Variants in VWCE observed in about 807,000 individuals in gnomAD.
The protein encoded by VWCE is von Willebrand factor C and EGF domain-containing protein.
A neutral mutation model predicts 102.9 loss-of-function variants in VWCE; 68 were observed. The observed-to-expected ratio is 0.66, with a 90% confidence interval of 0.54 to 0.81. The LOEUF is 0.81. VWCE is among the 30% of genes least tolerant of loss of function. The probability of loss-of-function intolerance (pLI) is 0.00; values close to 1 mark genes in which losing one functional copy is unlikely to be tolerated. For synonymous variants in VWCE, 497 were observed against 515.4 expected (o/e 0.96, Z 0.48); for missense variants, 1,137 against 1,263.6 (o/e 0.90, Z 1.52).
At chr11:61,265,429 T>A (rs1271421448) in intron 16 of VWCE, among the ~76,000 whole-genome samples, 1 of 152,124 alleles carries the variant, frequency 6.6e-6, no homozygotes. Flanking sequence ...CATGGACTTG[T>A]CCACGGAGGG....
chr11:61,294,865 C>A lies in VWCE; in HGVS notation c.110+63G>T. On this transcript the variant is annotated intron_variant, in intron 1 of 19. Transcript: ENST00000335613. This position sits in a 1 kb window ranked among gnomAD's most constrained non-coding sequence, Gnocchi z 6.3. ...GGCTCCTGAGCGCCCCTCCGCGCCT[C>A]TCGACTGCACGCCGGTAGCGCTCTC... is the stretch of plus-strand genomic sequence containing the variant. The A allele has an allele frequency of 8.3e-7, 1 of 1,206,474 alleles. No homozygotes were observed. The highest frequency in any genetic ancestry group is 2.3e-5 in the South Asian group (1 of 43,244). The allele number at this position is 1,206,474 out of a possible 1,614,324, so 74.7% of individuals were successfully genotyped here.
chr11:61,282,848 C>G lies in VWCE; in HGVS notation c.599G>C (p.Ser200Thr), dbSNP rs111598155. The change falls in exon 6 of 20, where the codon AGC becomes ACC. Residue 200 changes from serine (S) to threonine (T), a missense_variant. Physicochemically the swap from Ser to Thr is moderately conservative, Grantham distance 58 (BLOSUM62 1). Coordinates refer to ENST00000335613, the MANE Select transcript of VWCE (RefSeq NM_152718.2). Reference sequence around the variant, plus strand: ...GCCAGTTCGACAGGAACACTTGTAGCTGCCAATGCTGTTTTTACATCTCTG... The same window carrying G: ...GCCAGTTCGACAGGAACACTTGTAGGTGCCAATGCTGTTTTTACATCTCTG... ...CQQRCKNSIG[S>T]YKCSCRTGFH... The G allele has an allele frequency of 3.9e-5, 63 of 1,614,238 alleles. 2 individuals carry two copies. The highest frequency in any genetic ancestry group is 3.7e-4 in the African/African-American group (28 of 75,064).
Position 61,265,021 on chromosome 11 carries a change from T to G in VWCE, c.2074A>C (p.Arg692=). The change falls in exon 18 of 20, where the codon AGG becomes CGG. Residue 692 remains arginine (R), a synonymous_variant. Transcript: ENST00000335613. ...PVCRDCNYEG[R]KVANGQVFTL... ...AACACCTGGCCATTCGCCACCTTCC[T>G]TCCCTCGTAGTTGCAGTCTGTGGAG... The G allele has an allele frequency of 6.2e-7, 1 of 1,614,156 alleles. No individual in the cohort carries two copies. Among genetic ancestry groups the G allele is most frequent in the Non-Finnish European group, 8.5e-7 (1 of 1,180,026 alleles).
chr11:61,294,957 C>G lies in VWCE; in HGVS notation c.81G>C (p.Arg27Ser), dbSNP rs925533713. 1.8e-5 allele frequency: 26 copies of G among 1,458,402 alleles called. No individual in the cohort carries two copies. Among genetic ancestry groups the G allele is most frequent in the Middle Eastern group, 2.4e-4 (1 of 4,140 alleles). The allele number at this position is 1,458,402 out of a possible 1,614,324, so 90.3% of individuals were successfully genotyped here. A position where few individuals can be genotyped will look rare whatever the true frequency, so the allele number is the denominator to read the frequency against. ...PGAPARGYTG[R>S]KPPGHFAAER... ...CGGCCGCGAAGTGCCCGGGCGGCTT[C>G]CTCCCGGTGTAGCCTCGGGCTGGTG... Residue 27 changes from arginine (R) to serine (S), a missense_variant, in exon 1 of 20, where the codon AGG becomes AGC. Transcript: ENST00000335613. The surrounding 1 kb of genome is among the most constrained non-coding windows in gnomAD (Gnocchi z 6.3).
intron 11 of VWCE, among the ~76,000 whole-genome samples, chr11:61,275,713 C>A (rs1854882648): frequency 6.6e-6 from 1 of 152,166 alleles, no homozygotes; most frequent in Non-Finnish European, 1.5e-5. Context: ...AGATGGAGTT[C>A]TGGTAAGCGC....
intron 16 of VWCE, 131 bp from the exon 17 acceptor site, chr11:61,265,343 G>T: frequency 1.3e-6 from 1 of 782,432 alleles, no homozygotes; most frequent in Non-Finnish European, 1.9e-6. Context: ...CCATGGTGGG[G>T]CAGTGGGGCA....
chr11:61,277,776 G>A (rs1246917540), intron 10 of VWCE, among the ~76,000 whole-genome samples: 8 of 151,996 alleles, frequency 5.3e-5, no homozygotes, highest in South Asian at 2.1e-4. Flanking sequence ...TGGGAGCCTC[G>A]GTGAAGAAAG....
chr11:61,281,203 T>C lies in VWCE; in HGVS notation c.820A>G (p.Ile274Val), dbSNP rs1267670069. ...GACGGGTGTTGCCGGGGTTGCAGGA[T>C]GGCAGATGGGGCCAGCACGGCTTTC... ...FPKAVLAPSAILQPRQHPSKM... is the reference protein window; with the variant it reads ...FPKAVLAPSAVLQPRQHPSKM... The change falls in exon 8 of 20, where the codon ATC becomes GTC. Residue 274 changes from isoleucine to valine, a missense_variant. By Grantham distance (29) the Ile-to-Val change is conservative. Transcript: ENST00000335613. 5 of 1,612,916 alleles carry C rather than the reference T, an allele frequency of 3.1e-6. No homozygotes were observed. The Admixed American group carries it at 8.3e-5, about 27-fold the overall frequency.
intron 13 of VWCE, 27 bp downstream of exon 13, chr11:61,273,172 T>A: frequency 6.2e-7 from 1 of 1,607,346 alleles, no homozygotes; most frequent in East Asian, 2.2e-5. Flanking sequence ...CCATGCCCTG[T>A]GTCGGGGCAG....
rs570966591 is a variant in VWCE at position 61,294,584 on chromosome 11, G to A, written c.110+344C>T. On this transcript the variant is annotated intron_variant, in intron 1 of 19. Coordinates refer to ENST00000335613, the MANE Select transcript of VWCE (RefSeq NM_152718.2). The surrounding 1 kb of genome is among the most constrained non-coding windows in gnomAD (Gnocchi z 6.3). Reference sequence around the variant, plus strand: ...CCCGGGCAGAGCCACGGGCACGCTGGGGGGTGAGCCAGCCAGTCCGGAGAC... The same window carrying A: ...CCCGGGCAGAGCCACGGGCACGCTGAGGGGTGAGCCAGCCAGTCCGGAGAC... 6.6e-6 allele frequency among the ~76,000 whole-genome samples: 1 copy of A among 152,142 alleles called. No individual in the cohort carries two copies. Among genetic ancestry groups the A allele is most frequent in the Non-Finnish European group, 1.5e-5 (1 of 68,014 alleles).
In VWCE at chr11:61,264,427, G is replaced by A. The variant is rs908377812; in HGVS notation, c.2230+60C>T. The A allele has an allele frequency of 6.0e-5, 91 of 1,520,788 alleles. 1 individual carries two copies. Among genetic ancestry groups the A allele is most frequent in the Non-Finnish European group, 7.6e-5 (84 of 1,110,774 alleles). The allele number at this position is 1,520,788 out of a possible 1,614,324, so 94.2% of individuals were successfully genotyped here. A position where few individuals can be genotyped will look rare whatever the true frequency, so the allele number is the denominator to read the frequency against. On this transcript the variant is annotated intron_variant, in intron 19 of 19. Transcript: ENST00000335613. ...CCCTTTACAAGTTCTATGTACCGGGGAAGAAAAGTAAAATGGAAGAAGATG... is the reference window on the plus strand; with the variant it reads ...CCCTTTACAAGTTCTATGTACCGGGAAAGAAAAGTAAAATGGAAGAAGATG...
At chr11:61,265,907 G>T (rs559295686) in intron 16 of VWCE, among the ~76,000 whole-genome samples, 1 of 152,066 alleles carries the variant, frequency 6.6e-6, no homozygotes, top group Non-Finnish European at 1.5e-5. Context: ...TTAGCTGGGC[G>T]TGGTGGTGCG....
At chr11:61,277,870 G>T (rs1030752743) in intron 10 of VWCE, among the ~76,000 whole-genome samples, 1 of 151,840 alleles carries the variant, frequency 6.6e-6, no homozygotes, top group Non-Finnish European at 1.5e-5. Flanking sequence ...ACAGAGGCTC[G>T]CTCTGTCGCC....
Position 61,259,193 on chromosome 11 carries a change from G to A in VWCE, c.2350C>T (p.Pro784Ser). 6.2e-7 allele frequency: 1 copy of A among 1,614,194 alleles called. No individual in the cohort carries two copies. The highest frequency in any genetic ancestry group is 8.5e-7 in the Non-Finnish European group (1 of 1,180,034). Residue 784 changes from proline (P) to serine (S), a missense_variant, in exon 20 of 20, where the codon CCT becomes TCT. Pro to Ser is a moderately conservative substitution (Grantham distance 74). This residue lies in a region of VWCE where 316 missense variants were observed against 319.3 expected (regional missense o/e 0.99). Coordinates refer to ENST00000335613, the MANE Select transcript of VWCE (RefSeq NM_152718.2). ...TEAPVNCSSC[P>S]GPPTASPSRP... ...GAGGGTGATGCTGTCGGGGGCCCAG[G>A]ACAGGAGCTACAGTTGACAGGGGCC... is the stretch of plus-strand genomic sequence containing the variant.
At position 61,264,850 on chromosome 11, in the gene VWCE, G is replaced by T. The variant is rs535026346; in HGVS notation, c.2139+106C>A. ...GTTAATTAAAGGCGGAGGATGGCAG[G>T]AGGATGGATTTATGCTGGCTAAAGG... On this transcript the variant is annotated intron_variant, in intron 18 of 19. Coordinates refer to ENST00000335613, the MANE Select transcript of VWCE (RefSeq NM_152718.2). The T allele has an allele frequency of 9.8e-5, 122 of 1,241,534 alleles. 2 individuals are homozygous for T. The South Asian group carries it at 1.5e-3, about 15-fold the overall frequency. 76.9% of individuals were successfully genotyped at this position (1,241,534 alleles called of 1,614,324 possible). A position where few individuals can be genotyped will look rare whatever the true frequency, so the allele number is the denominator to read the frequency against.
At chr11:61,270,001 T>G (rs1590623462) in intron 14 of VWCE, among the ~76,000 whole-genome samples, 1 of 149,834 alleles carries the variant, frequency 6.7e-6, no homozygotes, top group South Asian at 2.1e-4. Flanking sequence ...CACTGCAAGC[T>G]CCGCCTCCCG....
chr11:61,288,798 G>A (rs1311821441), intron 4 of VWCE, among the ~76,000 whole-genome samples: 1 of 150,942 alleles, frequency 6.6e-6, no homozygotes, highest in African/African-American at 2.4e-5. Context: ...GTCCTTCTGG[G>A]AAATAATCAG....
chr11:61,278,566 C>A, intron 9 of VWCE, 90 bp from the exon 10 acceptor site: 1 of 1,209,658 alleles, frequency 8.3e-7, no homozygotes, highest in Non-Finnish European at 1.2e-6. Context: ...CTTAATGTAC[C>A]TGGAACATTC....
intron 7 of VWCE, 102 bp downstream of exon 7, chr11:61,281,683 CG>C: frequency 1.6e-6 from 2 of 1,268,984 alleles, no homozygotes; most frequent in Non-Finnish European, 2.0e-6. Context: ...GGCTGGGCGC[CG>C]GGAGGGCGTG....
Sources: gnomAD v4.1 joint callset for allele counts (sites outside exome capture counted in the v4.1 genomes callset) on GRCh38, gnomAD v4.1.1 for gene constraint, gnomAD v4.1.1 regional missense constraint, Gnocchi (gnomAD v3.1) non-coding constraint, MANE v1.5 for transcripts, NCBI Gene and HGNC (gene_info 2026-07-23, HGNC 2026-07-21) for gene names.